ARHGEF4: variants seen among roughly 807,000 people sequenced by gnomAD.
ARHGEF4 encodes Rho guanine nucleotide exchange factor 4.
A neutral mutation model predicts 162.0 loss-of-function variants in ARHGEF4; 119 were observed. The observed-to-expected ratio is 0.73, with a 90% confidence interval of 0.63 to 0.86. The LOEUF is 0.86. Ranked by LOEUF, ARHGEF4 falls within the 40% of genes least tolerant of loss-of-function variation. The pLI is 0.00. For synonymous variants in ARHGEF4, 1,014 were observed against 979.9 expected, an observed-to-expected ratio of 1.03 and a Z score of -0.65; for missense variants, 2,488 against 2,456.0, an observed-to-expected ratio of 1.01 and a Z score of -0.28.
chr2:130,841,056 T>C (rs1163553193), intron 1 of ARHGEF4, among the ~76,000 whole-genome samples: 4 of 152,114 alleles, frequency 2.6e-5, no homozygotes, highest in Non-Finnish European at 5.9e-5. Context: ...CCAGACCTAG[T>C]TTTAAAAAGT....
chr2:130,977,048 GTGTGTGGTGTGTTTTGTATGTGTGTTAC>G (rs1280873536), intron 4 of ARHGEF4, among the ~76,000 whole-genome samples: 2 of 151,406 alleles, frequency 1.3e-5, no homozygotes, highest in Non-Finnish European at 2.9e-5. Context: ...GTGTGTGTTG[GTGTGTGGTGTGTTTTGTATGTGTGTTAC>G]TGTGTGGTGT....
At chr2:131,027,165 C>T (rs73000347) in intron 4 of ARHGEF4, among the ~76,000 whole-genome samples, 2,556 of 152,292 alleles carry the variant, frequency 0.017, 80 homozygotes, top group African/African-American at 0.057. Context: ...CCTGCTCCAG[C>T]AGTACAGCCA....
Position 131,000,323 on chromosome 2 carries a change from G to A in ARHGEF4, c.3986-27622G>A, listed in dbSNP as rs182271148. 8.1e-3 allele frequency among the ~76,000 whole-genome samples: 1,225 copies of A among 152,162 alleles called. 26 individuals carry two copies. The highest frequency in any genetic ancestry group is 0.042 in the Admixed American group (637 of 15,278). On this transcript the variant is annotated intron_variant, in intron 4 of 13. Coordinates refer to ENST00000409359, the MANE Select transcript of ARHGEF4 (RefSeq NM_001367493.1). ...TATGATACATTATTTTCAATGCACT[G>A]TTGTATTTGATTAGCTAATATTTTG...
At chr2:130,979,822 A>C (rs1686001274) in intron 4 of ARHGEF4, among the ~76,000 whole-genome samples, 1 of 152,088 alleles carries the variant, frequency 6.6e-6, no homozygotes. Flanking sequence ...CCAATATCAC[A>C]AAATAGGATC....
intron 1 of ARHGEF4, among the ~76,000 whole-genome samples, chr2:130,910,648 C>A (rs1159530569): frequency 1.3e-5 from 2 of 152,128 alleles, no homozygotes; most frequent in East Asian, 3.9e-4. Flanking sequence ...TCTAATGAGC[C>A]CTTGTTAACA....
At chr2:131,015,736 C>G (rs367833966) in intron 4 of ARHGEF4, among the ~76,000 whole-genome samples, 2 of 152,192 alleles carry the variant, frequency 1.3e-5, no homozygotes, top group Non-Finnish European at 2.9e-5. Context: ...AAAATAGAAA[C>G]AAACTCAGTC....
At position 130,916,656 on chromosome 2, in the gene ARHGEF4, A is replaced by C; in HGVS notation, c.2710A>C (p.Lys904Gln). The C allele has an allele frequency of 6.4e-7, 1 of 1,550,588 alleles. No homozygotes were observed. Among genetic ancestry groups the C allele is most frequent in the Non-Finnish European group, 8.7e-7 (1 of 1,146,992 alleles). ...AAAGAGACTCAAAACAACGGAGAAAAAACTCAGGGCAAGGTTGGCCTTGGC... is the reference window on the plus strand; with the variant it reads ...AAAGAGACTCAAAACAACGGAGAAACAACTCAGGGCAAGGTTGGCCTTGGC... ...NAKRLKTTEK[K>Q]LRARLALAHK... is the part of the protein sequence containing the mutation. Residue 904 changes from lysine to glutamine, a missense_variant, in exon 2 of 14, where the codon AAA becomes CAA. By Grantham distance (53) the Lys-to-Gln change is moderately conservative. Transcript: ENST00000409359.
intron 4 of ARHGEF4, among the ~76,000 whole-genome samples, chr2:130,955,875 A>C (rs1684236330): frequency 6.6e-6 from 1 of 152,188 alleles, no homozygotes; most frequent in Non-Finnish European, 1.5e-5. Context: ...CCTTCACTGC[A>C]ACCTCCACTG....
chr2:131,035,187 C>A, intron 5 of ARHGEF4: 1 of 1,223,062 alleles, frequency 8.2e-7, no homozygotes, highest in Non-Finnish European at 1.0e-6. Flanking sequence ...GCGCCCAGCG[C>A]GTGGTGGTCT....
intron 1 of ARHGEF4, among the ~76,000 whole-genome samples, chr2:130,894,578 C>T (rs535622809): frequency 6.6e-6 from 1 of 152,278 alleles, no homozygotes; most frequent in Admixed American, 6.5e-5. Context: ...GGAGATTTCA[C>T]TGTTATTTCA....
chr2:130,967,449 C>T (rs957775516), intron 4 of ARHGEF4, among the ~76,000 whole-genome samples: 3 of 152,122 alleles, frequency 2.0e-5, no homozygotes, highest in East Asian at 1.9e-4. Context: ...TCTGACAAGC[C>T]GAATTCTCTC....
chr2:130,896,850 T>C (rs143689221), intron 1 of ARHGEF4, among the ~76,000 whole-genome samples: 5 of 152,078 alleles, frequency 3.3e-5, no homozygotes, highest in Admixed American at 1.3e-4. Context: ...ACTGCTCACA[T>C]TGGGGGCTCT....
chr2:130,970,058 GT>G (rs1163624110), intron 4 of ARHGEF4, among the ~76,000 whole-genome samples: 1 of 152,172 alleles, frequency 6.6e-6, no homozygotes, highest in African/African-American at 2.4e-5. Flanking sequence ...TACTCAGATT[GT>G]TCCTACTTTT....
At chr2:131,041,113 T>A (rs879242227) in intron 8 of ARHGEF4, 117 bp from the exon 9 acceptor site, 1 of 942,200 alleles carries the variant, frequency 1.1e-6, no homozygotes, top group Non-Finnish European at 1.6e-6. Flanking sequence ...GGGTCTCCCC[T>A]AGCCCCCAGC....
intron 1 of ARHGEF4, among the ~76,000 whole-genome samples, chr2:130,899,795 G>T (rs189700442): frequency 7.9e-5 from 12 of 152,160 alleles, no homozygotes; most frequent in African/African-American, 2.9e-4. Flanking sequence ...GTGGGAGGGC[G>T]ATGGGTTACA....
chr2:130,957,894 T>A (rs1328878650), intron 4 of ARHGEF4, among the ~76,000 whole-genome samples: 1 of 152,036 alleles, frequency 6.6e-6, no homozygotes, highest in Non-Finnish European at 1.5e-5. Flanking sequence ...AATAAATTCC[T>A]ATTTTTTTTA....
At chr2:130,999,567 A>G (rs138894818) in intron 4 of ARHGEF4, among the ~76,000 whole-genome samples, 1 of 152,148 alleles carries the variant, frequency 6.6e-6, no homozygotes, top group African/African-American at 2.4e-5. Flanking sequence ...TAATGTGCTA[A>G]CATTTTGAAT....
chr2:130,972,153 G>A (rs1685412362), intron 4 of ARHGEF4, among the ~76,000 whole-genome samples: 1 of 152,200 alleles, frequency 6.6e-6, no homozygotes, highest in Admixed American at 6.5e-5. Flanking sequence ...TGTTAACAAG[G>A]AAGACAGATT....
intron 3 of ARHGEF4, among the ~76,000 whole-genome samples, chr2:130,933,359 G>C (rs1682754593): frequency 6.6e-6 from 1 of 152,142 alleles, no homozygotes; most frequent in Admixed American, 6.5e-5. Context: ...TTTGAAATTG[G>C]AATGTGAGAG....
Sources: allele counts gnomAD v4.1 joint callset (sites outside exome capture counted in the v4.1 genomes callset), GRCh38; gene constraint gnomAD v4.1.1; transcripts MANE v1.5; gene names NCBI Gene and HGNC (gene_info 2026-07-23, HGNC 2026-07-21).